The following CHMP5 variants were observed in gnomAD, a reference collection of about 807,000 sequenced individuals.
The protein encoded by CHMP5 is charged multivesicular body protein 5.
In CHMP5, 17 loss-of-function variants were observed where a neutral mutation model predicts 33.0. The ratio of observed to expected loss-of-function variants is 0.52; its 90% CI spans 0.35 to 0.77. The LOEUF (loss-of-function observed/expected upper bound fraction) is 0.77. CHMP5 is among the 30% of genes least tolerant of loss of function. The pLI is 0.01. For missense variants in CHMP5, 216 were observed against 261.5 expected (o/e 0.83, Z 1.20); for synonymous variants, 76 against 90.2 (o/e 0.84, Z 0.89).
In CHMP5 at chr9:33,266,063, G is replaced by C; in HGVS notation, c.123G>C (p.Glu41Asp). ...IDKKISRLDA[E>D]LVKYKDQIKK... ...AGAAGATTTCTCGATTGGATGCTGA[G>C]CTAGTGAAGTATAAGGATCAGATCA... is the stretch of plus-strand genomic sequence containing the variant. The change falls in exon 2 of 8, where the codon GAG (glutamate) becomes GAC (aspartate). Residue 41 changes from glutamate (E) to aspartate (D), a missense_variant. Transcript: ENST00000223500. 1 of 1,613,560 alleles carries C rather than the reference G, an allele frequency of 6.2e-7. No individual in the cohort carries two copies. The highest frequency in any genetic ancestry group is 1.1e-5 in the South Asian group (1 of 91,072).
Position 33,275,317 on chromosome 9 carries a change from G to C in CHMP5, c.388-1139G>C, listed in dbSNP as rs923427561. Among the ~76,000 whole-genome samples the C allele has an allele frequency of 2.0e-5, 3 of 152,192 alleles. No individual in the cohort carries two copies. In the South Asian group the frequency reaches 6.2e-4, roughly 31 times the overall value. ...AAGGGACAACTGCATTTTTAGCCTT[G>C]TAGTAATCTCCCAGTTAAGCACAGG... On this transcript the variant is annotated intron_variant, in intron 5 of 7. Coordinates refer to ENST00000223500, the MANE Select transcript of CHMP5 (RefSeq NM_016410.6).
At chr9:33,277,447 G>C (rs1161885388) in intron 6 of CHMP5, among the ~76,000 whole-genome samples, 9 of 152,146 alleles carry the variant, frequency 5.9e-5, no homozygotes, top group Non-Finnish European at 8.8e-5. Context: ...TTAGTAGTGG[G>C]AGAGAGGCAT....
intron 3 of CHMP5, 62 bp from the exon 4 acceptor site, chr9:33,270,561 C>T: frequency 7.8e-7 from 1 of 1,285,768 alleles, no homozygotes; most frequent in Non-Finnish European, 1.1e-6. Flanking sequence ...TGTGGGGATA[C>T]TTTGTTCTTG....
chr9:33,278,638 C>CT (rs78182977), intron 7 of CHMP5, among the ~76,000 whole-genome samples: 3,392 of 145,094 alleles, frequency 0.023, 138 homozygotes, highest in African/African-American at 0.078. Context: ...CTTTCTTTTT[C>CT]TTTTTTTTTT....
chr9:33,279,886 A>G (rs1318045988), intron 7 of CHMP5, among the ~76,000 whole-genome samples: 1 of 151,472 alleles, frequency 6.6e-6, no homozygotes, highest in Non-Finnish European at 1.5e-5. Context: ...AAAAAAAAAA[A>G]AGTCCCTGAA....
intron 2 of CHMP5, among the ~76,000 whole-genome samples, chr9:33,267,335 C>T (rs1353543398): frequency 6.6e-6 from 1 of 152,138 alleles, no homozygotes; most frequent in Admixed American, 6.5e-5. Flanking sequence ...ACCAAAGAAT[C>T]AGTTTGAAAG....
Position 33,266,063 on chromosome 9 carries a change from G to A in CHMP5, c.123G>A (p.Glu41=), listed in dbSNP as rs1366374950. The A allele has an allele frequency of 6.2e-7, 1 of 1,613,442 alleles. No individual in the cohort carries two copies. The highest frequency in any genetic ancestry group is 1.3e-5 in the African/African-American group (1 of 74,912). ...IDKKISRLDA[E]LVKYKDQIKK... Reference sequence around the variant, plus strand: ...AGAAGATTTCTCGATTGGATGCTGAGCTAGTGAAGTATAAGGATCAGATCA... The same window carrying A: ...AGAAGATTTCTCGATTGGATGCTGAACTAGTGAAGTATAAGGATCAGATCA... The change falls in exon 2 of 8, where the codon GAG becomes GAA. Residue 41 remains glutamate (E), a synonymous_variant. Transcript: ENST00000223500.
Position 33,278,108 on chromosome 9 carries a change from CT to C in CHMP5, c.497-4del. 1.3e-6 allele frequency: 2 copies of C among 1,580,262 alleles called. No individual in the cohort carries two copies. Among genetic ancestry groups the C allele is most frequent in the South Asian group, 1.1e-5 (1 of 89,544 alleles). ...TTTTTTAAATGTTGACTGTTTCAATCTCAGAGTTGGATGCACTAGGTGATGA... is the reference window on the plus strand; with the variant it reads ...TTTTTTAAATGTTGACTGTTTCAATCCAGAGTTGGATGCACTAGGTGATGA... On this transcript the variant is annotated splice_region_variant and splice_polypyrimidine_tract_variant and intron_variant, in intron 6 of 7. Coordinates refer to ENST00000223500, the MANE Select transcript of CHMP5 (RefSeq NM_016410.6).
At position 33,281,680 on chromosome 9, in the gene CHMP5, C is replaced by G. The variant is rs546071128; in HGVS notation, c.*821C>G. 4.6e-5 allele frequency: 7 copies of G among 152,308 alleles called. No individual in the cohort carries two copies. Among genetic ancestry groups the G allele is most frequent in the Admixed American group, 3.9e-4 (6 of 15,300 alleles). 9.4% of individuals were successfully genotyped at this position (152,308 alleles called of 1,614,324 possible). On this transcript the variant is annotated 3_prime_UTR_variant, in exon 8 of 8. Transcript: ENST00000223500. ...ATCTGGGCTTGGGCCCTGGGTCTAC[C>G]ATTTACTAACTACTGAGTAGTCTAT...
In CHMP5 at chr9:33,278,129, T is replaced by G. The variant is rs1820876611; in HGVS notation, c.513T>G (p.Gly171=). 6.2e-7 allele frequency: 1 copy of G among 1,610,348 alleles called. No homozygotes were observed. The highest frequency in any genetic ancestry group is 8.5e-7 in the Non-Finnish European group (1 of 1,177,530). The change falls in exon 7 of 8, where the codon GGT becomes GGG. Residue 171 remains glycine, a synonymous_variant. Coordinates refer to ENST00000223500, the MANE Select transcript of CHMP5 (RefSeq NM_016410.6). ...DDLEAELDAL[G]DELLADEDSS... ...CAATCTCAGAGTTGGATGCACTAGG[T>G]GATGAGCTTCTGGCTGATGAAGACA...
chr9:33,278,005 A>G, intron 6 of CHMP5, 108 bp from the exon 7 acceptor site: 1 of 682,008 alleles, frequency 1.5e-6, no homozygotes, highest in Non-Finnish European at 2.6e-6. Flanking sequence ...CAACAATCTC[A>G]TGCCCTCTTC....
At chr9:33,279,621 T>C (rs1168543438) in intron 7 of CHMP5, among the ~76,000 whole-genome samples, 1 of 152,006 alleles carries the variant, frequency 6.6e-6, no homozygotes, top group Non-Finnish European at 1.5e-5. Flanking sequence ...CCCAACACTT[T>C]GGGAGGCTGG....
chr9:33,280,688 C>T (rs376780154), intron 7 of CHMP5, 121 bp from the exon 8 acceptor site: 15 of 819,214 alleles, frequency 1.8e-5, no homozygotes, highest in African/African-American at 1.4e-4. Context: ...CTTATGACTG[C>T]GATTTTGGTT....
intron 5 of CHMP5, among the ~76,000 whole-genome samples, chr9:33,273,021 G>T (rs1351510946): frequency 6.6e-6 from 1 of 152,164 alleles, no homozygotes; most frequent in African/African-American, 2.4e-5. Context: ...CACCAAGGCT[G>T]GAGTGCAGTG....
chr9:33,267,990 G>A (rs1228406496), intron 3 of CHMP5, 91 bp downstream of exon 3: 1 of 868,182 alleles, frequency 1.2e-6, no homozygotes, highest in East Asian at 2.5e-5. Context: ...TATTTTCTAA[G>A]CACTCTTGAT....
In CHMP5 at chr9:33,278,104, C is replaced by T; in HGVS notation, c.497-9C>T. On this transcript the variant is annotated splice_polypyrimidine_tract_variant and intron_variant, in intron 6 of 7. Coordinates refer to ENST00000223500, the MANE Select transcript of CHMP5 (RefSeq NM_016410.6). Reference sequence around the variant, plus strand: ...CATTTTTTTTAAATGTTGACTGTTTCAATCTCAGAGTTGGATGCACTAGGT... The same window carrying T: ...CATTTTTTTTAAATGTTGACTGTTTTAATCTCAGAGTTGGATGCACTAGGT... 6.4e-7 allele frequency: 1 copy of T among 1,567,144 alleles called. No homozygotes were observed. Among genetic ancestry groups the T allele is most frequent in the Non-Finnish European group, 8.8e-7 (1 of 1,141,850 alleles).
intron 1 of CHMP5, 110 bp downstream of exon 1, chr9:33,265,257 C>CGAAA: frequency 9.8e-7 from 1 of 1,016,816 alleles, no homozygotes; most frequent in Non-Finnish European, 1.5e-6. Flanking sequence ...TCCTGGGCCC[C>CGAAA]TTACACGTCG....
chr9:33,271,002 A>C, intron 4 of CHMP5, 150 bp from the exon 5 acceptor site: 1 of 656,020 alleles, frequency 1.5e-6, no homozygotes, highest in Non-Finnish European at 2.6e-6. Flanking sequence ...GAATCACTTG[A>C]ACCCAGGAGG....
chr9:33,280,862 T>G lies in CHMP5; in HGVS notation c.*3T>G, dbSNP rs55801336. The G allele has an allele frequency of 6.2e-7, 1 of 1,609,074 alleles. No homozygotes were observed. Among genetic ancestry groups the G allele is most frequent in the Non-Finnish European group, 8.5e-7 (1 of 1,177,564 alleles). On this transcript the variant is annotated 3_prime_UTR_variant, in exon 8 of 8. Transcript: ENST00000223500. Reference sequence around the variant, plus strand: ...TGCCACAGATCCCTGCTTCATAGATTTGCATCATTCAAGCATATCTTGTAA... The same window carrying G: ...TGCCACAGATCCCTGCTTCATAGATGTGCATCATTCAAGCATATCTTGTAA...
Sources: allele counts gnomAD v4.1 joint callset (sites outside exome capture counted in the v4.1 genomes callset), GRCh38; gene constraint gnomAD v4.1.1; transcripts MANE v1.5; gene names NCBI Gene and HGNC (gene_info 2026-07-23, HGNC 2026-07-21).